NELL1: variants seen among roughly 807,000 people sequenced by gnomAD.
NELL1 encodes neural EGFL like 1.
A neutral mutation model predicts 107.4 loss-of-function variants in NELL1; 76 were observed. The observed-to-expected ratio is 0.71, with a 90% CI of 0.59 to 0.86. NELL1 has a LOEUF of 0.86. NELL1 is among the 40% of genes least tolerant of loss of function. The pLI, the probability that NELL1 is intolerant of heterozygous loss-of-function variation, is 0.00. For missense variants in NELL1, 1,024 were observed against 1,005.5 expected, an observed-to-expected ratio of 1.02 and a Z score of -0.25; for synonymous variants, 353 against 341.2, an observed-to-expected ratio of 1.03 and a Z score of -0.38.
At chr11:21,337,812 C>A (rs1186088304) in intron 14 of NELL1, among the ~76,000 whole-genome samples, 1 of 34,930 alleles carries the variant, frequency 2.9e-5, no homozygotes, top group Admixed American at 4.4e-4. Context: ...TTCTTTCTTG[C>A]TTTCCTTCTT....
intron 15 of NELL1, among the ~76,000 whole-genome samples, chr11:21,439,624 G>A (rs1421450825): frequency 6.6e-6 from 1 of 152,034 alleles, no homozygotes; most frequent in Non-Finnish European, 1.5e-5. Context: ...CTGCTTTTGG[G>A]ATCATTTCTT....
At chr11:21,403,955 C>G (rs895988710) in intron 15 of NELL1, among the ~76,000 whole-genome samples, 1 of 151,042 alleles carries the variant, frequency 6.6e-6, no homozygotes, top group East Asian at 2.0e-4. Flanking sequence ...GGACTGTATC[C>G]TCCTCTAACC....
intron 15 of NELL1, among the ~76,000 whole-genome samples, chr11:21,433,640 G>C (rs1853027514): frequency 6.6e-6 from 1 of 151,902 alleles, no homozygotes; most frequent in Non-Finnish European, 1.5e-5. Context: ...GTGATGTTGA[G>C]CATGTTTTTA....
At chr11:21,559,782 A>C (rs1856806530) in intron 16 of NELL1, among the ~76,000 whole-genome samples, 1 of 152,132 alleles carries the variant, frequency 6.6e-6, no homozygotes, top group South Asian at 2.1e-4. Flanking sequence ...TGGTGTGTGC[A>C]TACTGTTAAT....
At chr11:21,239,437 T>A (rs1858293720) in intron 14 of NELL1, among the ~76,000 whole-genome samples, 1 of 152,080 alleles carries the variant, frequency 6.6e-6, no homozygotes. Flanking sequence ...CCCACCCAAG[T>A]GTGGCATGTG....
At chr11:20,958,806 T>A (rs1034909890) in intron 11 of NELL1, among the ~76,000 whole-genome samples, 1 of 152,022 alleles carries the variant, frequency 6.6e-6, no homozygotes, top group Non-Finnish European at 1.5e-5. Context: ...CCAGGAAGCA[T>A]GTTTAAGAAG....
intron 5 of NELL1, among the ~76,000 whole-genome samples, chr11:20,886,450 C>T (rs1236489322): frequency 6.6e-6 from 1 of 151,634 alleles, no homozygotes; most frequent in Non-Finnish European, 1.5e-5. Flanking sequence ...CTATAATGCT[C>T]GATAAAATAC....
At chr11:20,976,001 A>ATATACAT (rs1851621325) in intron 12 of NELL1, among the ~76,000 whole-genome samples, 1 of 137,006 alleles carries the variant, frequency 7.3e-6, no homozygotes, top group African/African-American at 2.9e-5. Flanking sequence ...TATGTGTATT[A>ATATACAT]TATATACATT....
chr11:21,036,387 A>G (rs4587726), intron 12 of NELL1, among the ~76,000 whole-genome samples: 3,590 of 152,276 alleles, frequency 0.024, 141 homozygotes, highest in African/African-American at 0.081. Context: ...AAACTATTTT[A>G]AAATTTATAT....
chr11:20,886,704 A>G (rs1437679111), intron 5 of NELL1, among the ~76,000 whole-genome samples: 1 of 152,206 alleles, frequency 6.6e-6, no homozygotes, highest in Non-Finnish European at 1.5e-5. Context: ...GCTGGGAGAG[A>G]GATAGCATTA....
intron 2 of NELL1, among the ~76,000 whole-genome samples, chr11:20,732,692 T>C (rs369449373): frequency 1.5e-3 from 227 of 152,202 alleles, no homozygotes; most frequent in African/African-American, 5.2e-3. Context: ...ACAGTGTAGA[T>C]GCCAGTTTGA....
chr11:20,939,534 C>T (rs4923186), intron 10 of NELL1, among the ~76,000 whole-genome samples: 92,517 of 151,918 alleles, frequency 0.61, 30,662 homozygotes, highest in Non-Finnish European at 0.74. Context: ...GGAGAAAGGA[C>T]ATATGATTAG....
intron 12 of NELL1, among the ~76,000 whole-genome samples, chr11:21,102,083 C>T (rs1450966865): frequency 3.9e-5 from 6 of 152,126 alleles, no homozygotes; most frequent in Non-Finnish European, 8.8e-5. Context: ...GAACTTCTGA[C>T]CTCTGGTGAT....
chr11:20,832,128 A>G (rs1217930007), intron 3 of NELL1, among the ~76,000 whole-genome samples: 2 of 152,204 alleles, frequency 1.3e-5, no homozygotes, highest in Non-Finnish European at 1.5e-5. Context: ...TTTACTACAT[A>G]GCCCTCACCT....
At chr11:21,025,694 G>A (rs1852799225) in intron 12 of NELL1, among the ~76,000 whole-genome samples, 1 of 152,018 alleles carries the variant, frequency 6.6e-6, no homozygotes, top group African/African-American at 2.4e-5. Flanking sequence ...GTTTTAGATA[G>A]CATCTATGTA....
intron 15 of NELL1, among the ~76,000 whole-genome samples, chr11:21,448,642 A>G (rs1853504761): frequency 6.6e-6 from 1 of 152,228 alleles, no homozygotes. Context: ...GTATGCACCC[A>G]TGAAACCATC....
intron 14 of NELL1, among the ~76,000 whole-genome samples, chr11:21,301,015 G>A (rs1040466181): frequency 6.6e-6 from 1 of 152,046 alleles, no homozygotes; most frequent in Non-Finnish European, 1.5e-5. Flanking sequence ...CTGTCCTTGC[G>A]ATAGTTTGCT....
At chr11:20,905,306 G>A (rs59800033) in intron 5 of NELL1, among the ~76,000 whole-genome samples, 34,953 of 151,984 alleles carry the variant, frequency 0.23, 4,842 homozygotes, top group African/African-American at 0.35. Flanking sequence ...CCCCAGTAAA[G>A]GGGCAGATCT....
intron 13 of NELL1, among the ~76,000 whole-genome samples, chr11:21,136,247 G>T (rs1254816319): frequency 6.6e-6 from 1 of 151,908 alleles, no homozygotes; most frequent in African/African-American, 2.4e-5. Flanking sequence ...ACTGAGCTTG[G>T]TATGTGTGAG....
Sources: allele counts gnomAD v4.1 joint callset (sites outside exome capture counted in the v4.1 genomes callset), GRCh38; gene constraint gnomAD v4.1.1; transcripts MANE v1.5; gene names NCBI Gene and HGNC (gene_info 2026-07-23, HGNC 2026-07-21).